The following HAT1 variants were observed in gnomAD, a reference collection of about 807,000 sequenced individuals.
HAT1 encodes the protein histone acetyltransferase 1.
A neutral mutation model predicts 56.6 loss-of-function variants in HAT1; 20 were observed. The ratio of observed to expected loss-of-function variants is 0.35; its 90% CI spans 0.25 to 0.51. The LOEUF is 0.51. Ranked by LOEUF, HAT1 falls within the 20% of genes least tolerant of loss-of-function variation. The pLI is 0.95. For missense variants in HAT1, 408 were observed against 504.3 expected (o/e 0.81, Z 1.83); for synonymous variants, 146 against 165.5 (o/e 0.88, Z 0.91).
chr2:171,975,335 C>G (rs923281112), intron 8 of HAT1, among the ~76,000 whole-genome samples: 2 of 152,026 alleles, frequency 1.3e-5, no homozygotes, highest in African/African-American at 2.4e-5. Flanking sequence ...AAACTCCTGA[C>G]CTCAGGTGAT....
chr2:171,925,068 T>C (rs1346962003), intron 1 of HAT1: 2 of 126,332 alleles, frequency 1.6e-5, no homozygotes, highest in African/African-American at 5.9e-5. Context: ...AATGAGGCAT[T>C]CTTTTTTTTT....
chr2:171,972,763 C>T (rs1422187528), intron 8 of HAT1, among the ~76,000 whole-genome samples: 3 of 152,246 alleles, frequency 2.0e-5, no homozygotes, highest in Non-Finnish European at 4.4e-5. Flanking sequence ...AGAGTGACTG[C>T]ATTCACTTTC....
chr2:171,949,176 T>C (rs1012703661), intron 3 of HAT1, among the ~76,000 whole-genome samples: 10 of 152,070 alleles, frequency 6.6e-5, no homozygotes, highest in Non-Finnish European at 1.2e-4. Context: ...TTCTTCTTAT[T>C]TATTTCTTTA....
intron 9 of HAT1, among the ~76,000 whole-genome samples, chr2:171,977,225 C>G (rs1486646765): frequency 6.7e-6 from 1 of 150,220 alleles, no homozygotes; most frequent in Non-Finnish European, 1.5e-5. Context: ...GCCTGTAATC[C>G]CAGCACTTTG....
Position 171,981,256 on chromosome 2 carries a change from G to A in HAT1, c.1092+1893G>A, listed in dbSNP as rs143349302. On this transcript the variant is annotated intron_variant, in intron 10 of 10. Coordinates refer to ENST00000264108, the MANE Select transcript of HAT1 (RefSeq NM_003642.4). ...AATTTATTCAACATATAATTATTGA[G>A]TACAGTTGCTCAATGATAAAATGTT... Among the ~76,000 whole-genome samples, 445 of 152,162 alleles carry A rather than the reference G, an allele frequency of 2.9e-3. 3 individuals are homozygous for A. The highest frequency in any genetic ancestry group is 1.0e-2 in the African/African-American group (414 of 41,506).
At chr2:171,949,147 T>A (rs1292006581) in intron 3 of HAT1, among the ~76,000 whole-genome samples, 1 of 152,206 alleles carries the variant, frequency 6.6e-6, no homozygotes, top group Non-Finnish European at 1.5e-5. Context: ...CATGCTACTA[T>A]AAGAAAGAGC....
intron 3 of HAT1, 124 bp downstream of exon 3, chr2:171,946,907 A>G (rs977818421): frequency 4.3e-5 from 25 of 580,322 alleles, no homozygotes; most frequent in Non-Finnish European, 6.7e-5. Flanking sequence ...ATCTTAAAAT[A>G]TATGTTATAA....
intron 2 of HAT1, among the ~76,000 whole-genome samples, chr2:171,938,594 G>A (rs1343054141): frequency 2.0e-5 from 3 of 152,094 alleles, no homozygotes; most frequent in Non-Finnish European, 2.9e-5. Flanking sequence ...CTGTAATCTC[G>A]TTTTGGTTGC....
chr2:171,925,929 C>T (rs1181423688), intron 2 of HAT1, among the ~76,000 whole-genome samples: 1 of 151,720 alleles, frequency 6.6e-6, no homozygotes, highest in Non-Finnish European at 1.5e-5. Context: ...ACTTTTTTGC[C>T]TGTAAGAATA....
intron 2 of HAT1, among the ~76,000 whole-genome samples, chr2:171,945,779 C>T (rs1687148605): frequency 6.6e-6 from 1 of 152,178 alleles, no homozygotes; most frequent in Admixed American, 6.5e-5. Context: ...AGTAGTTCTC[C>T]TGCCTCAGCC....
At chr2:171,965,313 A>T in intron 4 of HAT1, 25 bp from the exon 5 acceptor site, 1 of 1,413,378 alleles carries the variant, frequency 7.1e-7, no homozygotes, top group Non-Finnish European at 9.8e-7. Context: ...TTTGTTATTA[A>T]TTTTTTATAT....
chr2:171,934,945 G>A (rs1432661765), intron 2 of HAT1, among the ~76,000 whole-genome samples: 2 of 151,232 alleles, frequency 1.3e-5, no homozygotes, highest in Non-Finnish European at 2.9e-5. Context: ...TAGTAGAGGC[G>A]GGGTTTCGCC....
intron 8 of HAT1, among the ~76,000 whole-genome samples, chr2:171,975,882 T>C (rs1410103157): frequency 6.6e-6 from 1 of 151,386 alleles, no homozygotes; most frequent in Non-Finnish European, 1.5e-5. Context: ...TATTGCTTCT[T>C]ATTACTTTGG....
chr2:171,965,250 G>T, intron 4 of HAT1, 88 bp from the exon 5 acceptor site: 1 of 758,750 alleles, frequency 1.3e-6, no homozygotes, highest in Non-Finnish European at 2.1e-6. Flanking sequence ...TTTGTAATTT[G>T]TGTTGGTTTT....
rs1686963745 is a variant in HAT1 at position 171,939,472 on chromosome 2, T to G, written c.113-7236T>G. Among the ~76,000 whole-genome samples, 3 of 152,236 alleles carry G rather than the reference T, an allele frequency of 2.0e-5. 1 individual carries two copies. The highest frequency in any genetic ancestry group is 2.0e-4 in the Admixed American group (3 of 15,286). ...AGCAAGTTTTGTGACCCATTCTGTG[T>G]CACTGAAATGTGCTGCCCGTGGTGA... On this transcript the variant is annotated intron_variant, in intron 2 of 10. Transcript: ENST00000264108.
rs1553482773 is a variant in HAT1, at chr2:171,935,536, A to AAG, written c.112+9896_112+9897insGA. Among the ~76,000 whole-genome samples, 262 of 138,694 alleles carry AAG rather than the reference A, an allele frequency of 1.9e-3. 3 individuals carry two copies. Among genetic ancestry groups the AAG allele is most frequent in the East Asian group, 3.7e-3 (18 of 4,864 alleles). 91.0% of individuals were successfully genotyped at this position (138,694 alleles called of 152,430 possible). A position where few individuals can be genotyped will look rare whatever the true frequency, so the allele number is the denominator to read the frequency against. ...ATCTCAAAAAAAAAAAAAAAAAAAA[A>AAG]AAGACAAAATTCATTTTAAGTCTTG... On this transcript the variant is annotated intron_variant, in intron 2 of 10. Transcript: ENST00000264108.
intron 2 of HAT1, among the ~76,000 whole-genome samples, chr2:171,943,009 A>G (rs999837177): frequency 4.0e-5 from 6 of 151,792 alleles, no homozygotes; most frequent in African/African-American, 1.5e-4. Context: ...TTTTCCAAAC[A>G]TTTTCAAACA....
intron 3 of HAT1, 43 bp from the exon 4 acceptor site, chr2:171,952,838 A>G: frequency 6.9e-7 from 1 of 1,457,592 alleles, no homozygotes; most frequent in Non-Finnish European, 9.4e-7. Flanking sequence ...CTTTTTAATG[A>G]CTGCAAAAAT....
intron 3 of HAT1, among the ~76,000 whole-genome samples, chr2:171,950,725 A>G (rs1265597665): frequency 6.6e-6 from 1 of 151,740 alleles, no homozygotes; most frequent in Non-Finnish European, 1.5e-5. Flanking sequence ...GCTGGTCTTG[A>G]ACTCCTGACC....
Sources: gnomAD v4.1 joint callset for allele counts (sites outside exome capture counted in the v4.1 genomes callset) on GRCh38, gnomAD v4.1.1 for gene constraint, MANE v1.5 for transcripts, NCBI Gene and HGNC (gene_info 2026-07-23, HGNC 2026-07-21) for gene names.